The following AK2 variants were observed in gnomAD, a reference collection of about 807,000 sequenced individuals.
AK2 encodes adenylate kinase 2.
AK2 carries 15 observed loss-of-function variants against 24.6 expected under a neutral mutation model. The ratio of observed to expected loss-of-function variants is 0.61; its 90% CI spans 0.41 to 0.94. The LOEUF is 0.94. Ranked by LOEUF, AK2 falls within the 40% of genes least tolerant of loss-of-function variation. The pLI, the probability that AK2 is intolerant of heterozygous loss-of-function variation, is 0.00. For synonymous variants in AK2, 102 were observed against 114.0 expected, an observed-to-expected ratio of 0.90 and a Z score of 0.67; for missense variants, 257 against 304.1, an observed-to-expected ratio of 0.85 and a Z score of 1.15.
intron 4 of AK2, 69 bp downstream of exon 4, chr1:33,021,298 G>A (rs984032803): frequency 2.2e-6 from 3 of 1,365,112 alleles, no homozygotes; most frequent in Admixed American, 3.4e-5. Flanking sequence ...CCGGGATTAG[G>A]CAAGAGCAAT....
At chr1:33,025,012 C>A (rs946922850) in intron 1 of AK2, among the ~76,000 whole-genome samples, 1 of 151,928 alleles carries the variant, frequency 6.6e-6, no homozygotes, top group Non-Finnish European at 1.5e-5. Context: ...TGGGGAAACC[C>A]CGTCTCTACT....
Position 33,022,222 on chromosome 1 carries a change from G to A in AK2, c.220-519C>T, listed in dbSNP as rs528498973. 2.7e-4 allele frequency among the ~76,000 whole-genome samples: 41 copies of A among 152,150 alleles called. 2 individuals carry two copies. The South Asian group carries it at 7.5e-3, about 28-fold the overall frequency. On this transcript the variant is annotated intron_variant, in intron 2 of 5. Coordinates refer to ENST00000672715, the MANE Select transcript of AK2 (RefSeq NM_001625.4). ...CAGCTGTCATTAGGCTAACAGTAAC[G>A]TGACTGATGTGTGTACTTGGTTACA...
Position 33,029,742 on chromosome 1 carries a change from C to T in AK2, c.94-5175G>A, listed in dbSNP as rs1356616359. On this transcript the variant is annotated intron_variant, in intron 1 of 5. Coordinates refer to ENST00000672715, the MANE Select transcript of AK2 (RefSeq NM_001625.4). ...GCTGAATTTAGTGCAGACACCTGAT[C>T]AGCATAGCACACTATAGCCCCAAAC... Among the ~76,000 whole-genome samples the T allele has an allele frequency of 2.6e-5, 4 of 152,160 alleles. 1 individual carries two copies. Among genetic ancestry groups the T allele is most frequent in the African/African-American group, 9.7e-5 (4 of 41,442 alleles).
chr1:33,030,629 G>A (rs1183494143), intron 1 of AK2, among the ~76,000 whole-genome samples: 3 of 152,192 alleles, frequency 2.0e-5, no homozygotes, highest in East Asian at 1.9e-4. Flanking sequence ...CTTTGAGCAT[G>A]TGCATCATGC....
At position 33,009,538 on chromosome 1, in the gene AK2, G is replaced by C. The variant is rs1298496021; in HGVS notation, c.*3643C>G. The C allele has an allele frequency of 1.6e-4, 72 of 453,948 alleles. No individual in the cohort carries two copies. Among genetic ancestry groups the C allele is most frequent in the Non-Finnish European group, 4.4e-6 (1 of 226,796 alleles). The allele number at this position is 453,948 out of a possible 1,614,324, so 28.1% of individuals were successfully genotyped here. On this transcript the variant is annotated 3_prime_UTR_variant, in exon 6 of 6. Transcript: ENST00000672715. Reference sequence around the variant, plus strand: ...TTATCCAATGTCTGTTGCATGCCAGGTACTGAGCAAAAACCTTCTTCCTAT... The same window carrying C: ...TTATCCAATGTCTGTTGCATGCCAGCTACTGAGCAAAAACCTTCTTCCTAT...
In AK2 at chr1:33,008,821, T is replaced by C. The variant is rs1166770085; in HGVS notation, c.*4360A>G. The C allele has an allele frequency of 2.2e-6, 1 of 454,136 alleles. No individual in the cohort carries two copies. Among genetic ancestry groups the C allele is most frequent in the Non-Finnish European group, 4.4e-6 (1 of 226,786 alleles). 28.1% of individuals were successfully genotyped at this position (454,136 alleles called of 1,614,324 possible). On this transcript the variant is annotated 3_prime_UTR_variant, in exon 6 of 6. Coordinates refer to ENST00000672715, the MANE Select transcript of AK2 (RefSeq NM_001625.4). ...CCGGGAGTGGTAGGACTAGTCTGCA[T>C]TCTTGGTTTGCAGATTAGATGAGGA...
chr1:33,036,792 G>T lies in AK2; in HGVS notation c.37C>A (p.Pro13Thr). ...PSVPAAEPEY[P>T]KGIRAVLLGP... ...AGCAGCACGGCCCGGATGCCTTTAG[G>T]ATACTCGGGTTCTGCCGCTGGCACG... Residue 13 changes from proline to threonine, a missense_variant, in exon 1 of 6, where the codon CCT becomes ACT. By Grantham distance (38) the Pro-to-Thr change is conservative. Transcript: ENST00000672715. 3 of 1,599,816 alleles carry T rather than the reference G, an allele frequency of 1.9e-6. No individual in the cohort carries two copies. The highest frequency in any genetic ancestry group is 2.6e-6 in the Non-Finnish European group (3 of 1,174,050).
chr1:33,019,110 T>A (rs1639374976), intron 4 of AK2, among the ~76,000 whole-genome samples: 1 of 152,212 alleles, frequency 6.6e-6, no homozygotes, highest in Admixed American at 6.5e-5. Context: ...CTCTCTGAAA[T>A]ACTCTTCATC....
intron 4 of AK2, among the ~76,000 whole-genome samples, chr1:33,015,245 C>T (rs956941167): frequency 2.0e-5 from 3 of 152,192 alleles, no homozygotes; most frequent in Non-Finnish European, 4.4e-5. Flanking sequence ...CCTTATGGAG[C>T]AATATTCAAG....
chr1:33,008,172 C>T lies in AK2; in HGVS notation c.*5009G>A, dbSNP rs1638591472. On this transcript the variant is annotated 3_prime_UTR_variant, in exon 6 of 6. Transcript: ENST00000672715. ...AATTCCATCTGTGTTTACTAAGCAT[C>T]TGCTGTGTCCTGGGCAGTCCAACCC... 2.2e-6 allele frequency: 1 copy of T among 454,124 alleles called. No individual in the cohort carries two copies. The highest frequency in any genetic ancestry group is 6.9e-5 in the East Asian group (1 of 14,408). The allele number at this position is 454,124 out of a possible 1,614,324, so 28.1% of individuals were successfully genotyped here. A position where few individuals can be genotyped will look rare whatever the true frequency, so the allele number is the denominator to read the frequency against.
chr1:33,009,532 T>C lies in AK2; in HGVS notation c.*3649A>G, dbSNP rs1434453892. On this transcript the variant is annotated 3_prime_UTR_variant, in exon 6 of 6. Transcript: ENST00000672715. ...TAACATTTATCCAATGTCTGTTGCA[T>C]GCCAGGTACTGAGCAAAAACCTTCT... 8.8e-6 allele frequency: 4 copies of C among 454,068 alleles called. No homozygotes were observed. Among genetic ancestry groups the C allele is most frequent in the Non-Finnish European group, 1.8e-5 (4 of 226,808 alleles). The allele number at this position is 454,068 out of a possible 1,614,324, so 28.1% of individuals were successfully genotyped here.
chr1:33,024,220 C>G, intron 2 of AK2: 2 of 624,508 alleles, frequency 3.2e-6, no homozygotes, highest in Non-Finnish European at 5.6e-6. Context: ...TTAAAACACC[C>G]TCTAGCACAT....
intron 1 of AK2, among the ~76,000 whole-genome samples, chr1:33,033,280 C>T (rs1049104504): frequency 6.6e-6 from 1 of 152,148 alleles, no homozygotes; most frequent in Non-Finnish European, 1.5e-5. Flanking sequence ...GCCTGTAGTC[C>T]CAGCTACTTG....
chr1:33,014,406 C>T, intron 5 of AK2, 116 bp downstream of exon 5: 1 of 816,332 alleles, frequency 1.2e-6, no homozygotes, highest in Non-Finnish European at 2.1e-6. Context: ...TTTTTCATGA[C>T]TAAGTTAGTA....
At chr1:33,014,325 C>T (rs1300855056) in intron 5 of AK2, 197 bp downstream of exon 5, 3 of 506,582 alleles carry the variant, frequency 5.9e-6, no homozygotes, top group Non-Finnish European at 1.1e-5. Context: ...ACCTTGAGGC[C>T]AAGCAATAAA....
chr1:33,025,480 CT>C (rs1475020328), intron 1 of AK2, among the ~76,000 whole-genome samples: 2 of 152,148 alleles, frequency 1.3e-5, no homozygotes, highest in African/African-American at 4.8e-5. Context: ...GTTTCCTTAT[CT>C]GTTTAAAATG....
At chr1:33,024,889 T>C (rs1639776341) in intron 1 of AK2, among the ~76,000 whole-genome samples, 1 of 152,154 alleles carries the variant, frequency 6.6e-6, no homozygotes, top group African/African-American at 2.4e-5. Flanking sequence ...GTTTCCCCAT[T>C]ATAAATGGGA....
intron 4 of AK2, among the ~76,000 whole-genome samples, chr1:33,015,534 T>G (rs1287841544): frequency 6.6e-6 from 1 of 152,244 alleles, no homozygotes; most frequent in Non-Finnish European, 1.5e-5. Flanking sequence ...AACTAATGGT[T>G]GCTTTTCTCA....
At chr1:33,028,540 G>C (rs1395822747) in intron 1 of AK2, among the ~76,000 whole-genome samples, 1 of 152,000 alleles carries the variant, frequency 6.6e-6, no homozygotes, top group Non-Finnish European at 1.5e-5. Context: ...AGTTCAATAG[G>C]GTAGGGCCTA....
Sources: gnomAD v4.1 joint callset for allele counts (sites outside exome capture counted in the v4.1 genomes callset) on GRCh38, gnomAD v4.1.1 for gene constraint, MANE v1.5 for transcripts, NCBI Gene and HGNC (gene_info 2026-07-23, HGNC 2026-07-21) for gene names.